The following JPH2 variants were observed in gnomAD, a reference collection of about 807,000 sequenced individuals.
JPH2 encodes the protein junctophilin-2.
In JPH2, 38 loss-of-function variants were observed where a neutral mutation model predicts 55.9. That is an observed-to-expected ratio of 0.68 (90% confidence interval 0.52 to 0.89). The LOEUF is 0.89. Among genes scored for constraint, JPH2 ranks in the 40% least tolerant of loss-of-function variants. The pLI is 0.00. For synonymous variants in JPH2, 480 were observed against 472.4 expected (o/e 1.02, Z -0.21); for missense variants, 964 against 1,037.6 (o/e 0.93, Z 0.97).
rs1467610387 is a variant in JPH2 at position 44,134,906 on chromosome 20, A to C, written c.1170-16283T>G. Among the ~76,000 whole-genome samples, 5 of 88,866 alleles carry C rather than the reference A, an allele frequency of 5.6e-5. No individual in the cohort carries two copies. In the Admixed American group the frequency reaches 9.8e-4, roughly 17 times the overall value. 58.3% of individuals were successfully genotyped at this position (88,866 alleles called of 152,430 possible). On this transcript the variant is annotated intron_variant, in intron 2 of 5. Coordinates refer to ENST00000372980, the MANE Select transcript of JPH2 (RefSeq NM_020433.5). The stretch of plus-strand genomic sequence containing the variant: ...TATATATTAATATATATTTATATAT[A>C]TATATAAAATATATATATTTATATA...
intron 1 of JPH2, chr20:44,176,923 T>G: frequency 1.0e-6 from 1 of 985,462 alleles, no homozygotes; most frequent in Non-Finnish European, 1.2e-6. Context: ...AGCCTCCATG[T>G]GTGACTCCAG....
At chr20:44,136,118 C>T (rs565579447) in intron 2 of JPH2, among the ~76,000 whole-genome samples, 83 of 152,200 alleles carry the variant, frequency 5.5e-4, no homozygotes, top group Admixed American at 2.8e-3. Context: ...ACAGGAGGTG[C>T]TTCATGGAAG....
rs1292961711 is a variant in JPH2 at position 44,108,042 on chromosome 20, C to A, written c.*5476G>T. Among the ~76,000 whole-genome samples, 1 of 152,060 alleles carries A rather than the reference C, an allele frequency of 6.6e-6. No homozygotes were observed. Among genetic ancestry groups the A allele is most frequent in the Non-Finnish European group, 1.5e-5 (1 of 68,004 alleles). On this transcript the variant is annotated 3_prime_UTR_variant, in exon 6 of 6. Transcript: ENST00000372980. ...TTTGGGCTATGTGATGTCAGCCTGA[C>A]CTTTGGGTGTGGGGAGGGGTATGGA...
At chr20:44,153,665 G>T (rs2072546373) in intron 2 of JPH2, among the ~76,000 whole-genome samples, 1 of 152,196 alleles carries the variant, frequency 6.6e-6, no homozygotes, top group Non-Finnish European at 1.5e-5. Context: ...TCTGCCACGG[G>T]GGCACAACAG....
chr20:44,182,173 G>T (rs890997386), intron 1 of JPH2, among the ~76,000 whole-genome samples: 3 of 152,154 alleles, frequency 2.0e-5, no homozygotes, highest in Admixed American at 1.3e-4. Flanking sequence ...ACTCCCAGCC[G>T]TTCCTAATCA....
chr20:44,175,297 G>A (rs2072725452), intron 1 of JPH2, among the ~76,000 whole-genome samples: 1 of 152,164 alleles, frequency 6.6e-6, no homozygotes, highest in Non-Finnish European at 1.5e-5. Context: ...ACTTATAATG[G>A]CTTAGATTTC....
At chr20:44,124,236 T>C (rs533154178) in intron 2 of JPH2, among the ~76,000 whole-genome samples, 2 of 152,064 alleles carry the variant, frequency 1.3e-5, no homozygotes, top group Non-Finnish European at 2.9e-5. Flanking sequence ...CCCAGGCCCA[T>C]AACTGCTTGG....
At chr20:44,161,366 G>T (rs1210921614) in intron 1 of JPH2, among the ~76,000 whole-genome samples, 2 of 152,136 alleles carry the variant, frequency 1.3e-5, no homozygotes, top group African/African-American at 4.8e-5. Context: ...AAGTCCATGA[G>T]CTCCTGGGAT....
intron 1 of JPH2, among the ~76,000 whole-genome samples, chr20:44,182,064 T>C (rs2072788573): frequency 6.6e-6 from 1 of 152,184 alleles, no homozygotes; most frequent in Non-Finnish European, 1.5e-5. Context: ...GAGAAGTCTT[T>C]TGAGAGATTA....
intron 1 of JPH2, among the ~76,000 whole-genome samples, chr20:44,166,819 G>A (rs2072659061): frequency 6.6e-6 from 1 of 152,190 alleles, no homozygotes; most frequent in African/African-American, 2.4e-5. Flanking sequence ...TCTGCAGAAG[G>A]AAGGGCCTCC....
chr20:44,172,373 G>T (rs2072705091), intron 1 of JPH2, among the ~76,000 whole-genome samples: 1 of 152,162 alleles, frequency 6.6e-6, no homozygotes, highest in Non-Finnish European at 1.5e-5. Flanking sequence ...TGTACTATTA[G>T]TCAGTTTCCA....
chr20:44,139,679 C>A (rs1434064455), intron 2 of JPH2, among the ~76,000 whole-genome samples: 1 of 152,078 alleles, frequency 6.6e-6, no homozygotes, highest in African/African-American at 2.4e-5. Context: ...TATGAAATTG[C>A]CATTTTATAG....
chr20:44,118,659 TC>T, intron 2 of JPH2, 36 bp from the exon 3 acceptor site: 1 of 1,540,454 alleles, frequency 6.5e-7, no homozygotes, highest in Non-Finnish European at 8.9e-7. Context: ...TCAGGATCCT[TC>T]CAGAGAACCA....
intron 1 of JPH2, among the ~76,000 whole-genome samples, chr20:44,183,229 G>A (rs2072801697): frequency 6.6e-6 from 1 of 152,204 alleles, no homozygotes; most frequent in East Asian, 1.9e-4. Context: ...AGAAACTGAG[G>A]CTTGCTTTCT....
chr20:44,133,063 A>C (rs1600839810), intron 2 of JPH2, among the ~76,000 whole-genome samples: 1 of 7,560 alleles, frequency 1.3e-4, no homozygotes, highest in African/African-American at 7.6e-4. Context: ...ACCCACCCCC[A>C]CCGTCCCCAT....
chr20:44,115,687 TCTGCCG>T lies in JPH2; in HGVS notation c.1982_1987del (p.Ala661_Ala662del). 6.2e-7 allele frequency: 1 copy of T among 1,612,962 alleles called. No individual in the cohort carries two copies. The highest frequency in any genetic ancestry group is 2.2e-5 in the East Asian group (1 of 44,860). ...CACCTCTTCCACCTCCACCTCCGCC[TCTGCCG>T]CCAGTGCGGCCTCCTTCCGCGCCTT... On this transcript the variant is annotated inframe_deletion, in exon 4 of 6. Transcript: ENST00000372980.
intron 1 of JPH2, chr20:44,177,313 T>C: frequency 2.0e-6 from 2 of 986,108 alleles, no homozygotes; most frequent in Non-Finnish European, 2.4e-6. Context: ...GCATTCCTCA[T>C]GAGGGTGTGG....
In JPH2 at chr20:44,108,893, G is replaced by A. The variant is rs2072124090; in HGVS notation, c.*4625C>T. Among the ~76,000 whole-genome samples, 1 of 152,152 alleles carries A rather than the reference G, an allele frequency of 6.6e-6. No homozygotes were observed. The highest frequency in any genetic ancestry group is 1.5e-5 in the Non-Finnish European group (1 of 68,032). On this transcript the variant is annotated 3_prime_UTR_variant, in exon 6 of 6. Coordinates refer to ENST00000372980, the MANE Select transcript of JPH2 (RefSeq NM_020433.5). ...CTGTTTCCCCATATGAAAAACAGGG[G>A]GCCAGATGAGCTGATATCTTAGAGT...
Position 44,158,966 on chromosome 20 carries a change from T to C in JPH2, c.1169+652A>G, listed in dbSNP as rs145997243. Reference sequence around the variant, plus strand: ...GTGAGTGGTTGAAAGGGTATCTGTATGTTTGAATGGGCATCTGGGTAGTTG... The same window carrying C: ...GTGAGTGGTTGAAAGGGTATCTGTACGTTTGAATGGGCATCTGGGTAGTTG... On this transcript the variant is annotated intron_variant, in intron 2 of 5. Coordinates refer to ENST00000372980, the MANE Select transcript of JPH2 (RefSeq NM_020433.5). 1.8e-3 allele frequency among the ~76,000 whole-genome samples: 277 copies of C among 152,156 alleles called. 2 individuals are homozygous for C. The highest frequency in any genetic ancestry group is 6.6e-3 in the African/African-American group (274 of 41,504).
Sources: gnomAD v4.1 joint callset for allele counts (sites outside exome capture counted in the v4.1 genomes callset) on GRCh38, gnomAD v4.1.1 for gene constraint, MANE v1.5 for transcripts, NCBI Gene and HGNC (gene_info 2026-07-23, HGNC 2026-07-21) for gene names.